Variants in LMTK2 observed in about 807,000 individuals in gnomAD.
LMTK2 encodes serine/threonine-protein kinase LMTK2.
LMTK2 carries 37 observed loss-of-function variants against 127.5 expected under a neutral mutation model. The observed-to-expected ratio is 0.29, with a 90% CI of 0.22 to 0.38. The LOEUF (loss-of-function observed/expected upper bound fraction) is 0.38, where lower values mean the gene tolerates loss of function less well. Among genes scored for constraint, LMTK2 ranks in the 10% least tolerant of loss-of-function variants. The pLI, the probability that LMTK2 is intolerant of heterozygous loss-of-function variation, is 1.00. For synonymous variants in LMTK2, 819 were observed against 810.1 expected (o/e 1.01, Z -0.19); for missense variants, 1,694 against 1,920.3 (o/e 0.88, Z 2.20).
intron 5 of LMTK2, among the ~76,000 whole-genome samples, chr7:98,158,904 T>C (rs9656054): frequency 0.19 from 29,159 of 151,978 alleles, 3,303 homozygotes; most frequent in African/African-American, 0.32. Flanking sequence ...AAGATAAAAA[T>C]TCTTGAGGCC....
chr7:98,148,507 AT>A (rs768698259), intron 3 of LMTK2, among the ~76,000 whole-genome samples: 2,089 of 141,434 alleles, frequency 0.015, 43 homozygotes, highest in South Asian at 0.092. Context: ...AAAAAAAAAA[AT>A]AATAATAATA....
chr7:98,187,770 C>T (rs925205914), intron 9 of LMTK2, among the ~76,000 whole-genome samples: 8 of 151,922 alleles, frequency 5.3e-5, no homozygotes, highest in Non-Finnish European at 7.4e-5. Context: ...ACTACCACAC[C>T]ATTTTTGTAC....
At position 98,194,794 on chromosome 7, in the gene LMTK2, C is replaced by T. The variant is rs1271775715; in HGVS notation, c.4107+222C>T. On this transcript the variant is annotated intron_variant, in intron 11 of 13. Coordinates refer to ENST00000297293, the MANE Select transcript of LMTK2 (RefSeq NM_014916.4). The surrounding 1 kb of genome is among the most constrained non-coding windows in gnomAD (Gnocchi z 5.4). ...ATTAAGAGAAAGAGACCCGAATGCT[C>T]TTCCTGGGTCTTCTAATGGAGTCTT... is the stretch of plus-strand genomic sequence containing the variant. 6.6e-6 allele frequency among the ~76,000 whole-genome samples: 1 copy of T among 152,208 alleles called. No homozygotes were observed. The highest frequency in any genetic ancestry group is 2.4e-5 in the African/African-American group (1 of 41,452).
At chr7:98,149,322 C>T (rs142869985) in intron 3 of LMTK2, among the ~76,000 whole-genome samples, 239 of 152,326 alleles carry the variant, frequency 1.6e-3, no homozygotes, top group African/African-American at 5.5e-3. Context: ...CAAAGATATT[C>T]TACCCTGTCT....
At chr7:98,153,851 G>A (rs932089016) in intron 4 of LMTK2, among the ~76,000 whole-genome samples, 2 of 151,574 alleles carry the variant, frequency 1.3e-5, no homozygotes, top group African/African-American at 2.4e-5. Context: ...GGGTGACAGA[G>A]CAAGACTGTC....
In LMTK2 at chr7:98,203,259, TGGA is replaced by T. The variant is rs753513710; in HGVS notation, c.4108-310_4108-308del. Among the ~76,000 whole-genome samples the T allele has an allele frequency of 2.6e-5, 4 of 152,306 alleles. 1 individual carries two copies. Among genetic ancestry groups the T allele is most frequent in the African/African-American group, 7.2e-5 (3 of 41,572 alleles). ...TGACCTGAGTCCAGGCGGGGGATTGTGGAGGAGAAGCCGACACACTTGTTGCTG... is the reference window on the plus strand; with the variant it reads ...TGACCTGAGTCCAGGCGGGGGATTGTGGAGAAGCCGACACACTTGTTGCTG... On this transcript the variant is annotated intron_variant, in intron 11 of 13. Transcript: ENST00000297293.
At chr7:98,151,266 T>G (rs969767567) in intron 3 of LMTK2, 116 bp from the exon 4 acceptor site, 3 of 605,408 alleles carry the variant, frequency 5.0e-6, no homozygotes, top group Non-Finnish European at 8.1e-6. Context: ...AGGTGTTTTA[T>G]GTATTTATTC....
At chr7:98,145,932 A>C (rs1029870850) in intron 3 of LMTK2, among the ~76,000 whole-genome samples, 3 of 152,118 alleles carry the variant, frequency 2.0e-5, no homozygotes, top group African/African-American at 7.2e-5. Context: ...GTCTTCTGTA[A>C]GTTTTATAGT....
chr7:98,147,455 G>A (rs1796790654), intron 3 of LMTK2, among the ~76,000 whole-genome samples: 1 of 152,066 alleles, frequency 6.6e-6, no homozygotes, highest in African/African-American at 2.4e-5. Context: ...AAACTTCTGG[G>A]CTCAAGCAGT....
chr7:98,182,753 A>C lies in LMTK2; in HGVS notation c.792-2298A>C, dbSNP rs561889304. ...TATGGGCATATCCCCAAAATGGTTG[A>C]AAACAGGGTCTTAAAGAGATAATTT... On this transcript the variant is annotated intron_variant, in intron 7 of 13. Coordinates refer to ENST00000297293, the MANE Select transcript of LMTK2 (RefSeq NM_014916.4). 3.3e-5 allele frequency among the ~76,000 whole-genome samples: 5 copies of C among 152,354 alleles called. No homozygotes were observed. The East Asian group carries it at 9.6e-4, about 29-fold the overall frequency.
At chr7:98,107,893 A>G (rs1796139694) in intron 1 of LMTK2, among the ~76,000 whole-genome samples, 1 of 152,148 alleles carries the variant, frequency 6.6e-6, no homozygotes, top group Non-Finnish European at 1.5e-5. Context: ...AGGGTGATGG[A>G]AGTTTCTATT....
intron 1 of LMTK2, among the ~76,000 whole-genome samples, chr7:98,127,807 C>T (rs370811896): frequency 6.6e-6 from 1 of 152,148 alleles, no homozygotes; most frequent in African/African-American, 2.4e-5. Flanking sequence ...CAGAGCGTCA[C>T]ACATACGCCA....
At chr7:98,136,306 C>T (rs1216893464) in intron 1 of LMTK2, among the ~76,000 whole-genome samples, 1 of 152,054 alleles carries the variant, frequency 6.6e-6, no homozygotes, top group African/African-American at 2.4e-5. Context: ...TTACAGAATT[C>T]CAAATAACAA....
intron 1 of LMTK2, among the ~76,000 whole-genome samples, chr7:98,115,347 C>CA (rs780607458): frequency 6.6e-6 from 1 of 151,416 alleles, no homozygotes; most frequent in African/African-American, 2.4e-5. Context: ...ACCCAGGAGG[C>CA]AGAGGTTGCA....
At chr7:98,158,127 TA>T (rs1365007990) in intron 5 of LMTK2, among the ~76,000 whole-genome samples, 1 of 152,258 alleles carries the variant, frequency 6.6e-6, no homozygotes, top group Non-Finnish European at 1.5e-5. Context: ...ACCTTTTATT[TA>T]ACTATATTTT....
chr7:98,121,991 G>A (rs953562512), intron 1 of LMTK2, among the ~76,000 whole-genome samples: 1 of 152,082 alleles, frequency 6.6e-6, no homozygotes, highest in Non-Finnish European at 1.5e-5. Flanking sequence ...CCGGACTGTC[G>A]AGACCGTGTC....
At chr7:98,190,596 C>A in intron 9 of LMTK2, 132 bp from the exon 10 acceptor site, 1 of 887,760 alleles carries the variant, frequency 1.1e-6, no homozygotes, top group Non-Finnish European at 1.8e-6. Context: ...ACAACAACAA[C>A]AACAAAGATC....
At chr7:98,189,777 T>C (rs1420472899) in intron 9 of LMTK2, among the ~76,000 whole-genome samples, 2 of 152,124 alleles carry the variant, frequency 1.3e-5, no homozygotes, top group Non-Finnish European at 2.9e-5. Context: ...GGGCTGGGAC[T>C]GAGAAGGGCG....
intron 11 of LMTK2, among the ~76,000 whole-genome samples, chr7:98,203,205 C>T (rs536579654): frequency 6.6e-6 from 1 of 152,230 alleles, no homozygotes; most frequent in South Asian, 2.1e-4. Flanking sequence ...GCACTGTGTC[C>T]AGGGCAGTGC....
Sources: allele counts gnomAD v4.1 joint callset (sites outside exome capture counted in the v4.1 genomes callset), GRCh38; gene constraint gnomAD v4.1.1; non-coding constraint Gnocchi (gnomAD v3.1); transcripts MANE v1.5; gene names NCBI Gene and HGNC (gene_info 2026-07-23, HGNC 2026-07-21).